Variants in TANK observed in about 807,000 individuals in gnomAD.
TANK encodes TRAF family member associated NFKB activator.
A neutral mutation model predicts 43.6 loss-of-function variants in TANK; 15 were observed. The observed-to-expected ratio is 0.34, with a 90% CI of 0.23 to 0.53. The LOEUF is 0.53. Ranked by LOEUF, TANK falls within the 20% of genes least tolerant of loss-of-function variation. The pLI, the probability that TANK is intolerant of heterozygous loss-of-function variation, is 0.94. For synonymous variants in TANK, 162 were observed against 178.2 expected (o/e 0.91, Z 0.73); for missense variants, 417 against 498.6 (o/e 0.84, Z 1.56).
intron 1 of TANK, among the ~76,000 whole-genome samples, chr2:161,174,154 C>T (rs1685077064): frequency 6.6e-6 from 1 of 152,018 alleles, no homozygotes; most frequent in Non-Finnish European, 1.5e-5. Flanking sequence ...TATTGTAACC[C>T]TACAACTATG....
intron 4 of TANK, among the ~76,000 whole-genome samples, chr2:161,208,925 C>CT (rs941919535): frequency 5.3e-5 from 8 of 152,112 alleles, no homozygotes; most frequent in African/African-American, 1.4e-4. Flanking sequence ...GGAAAAGTAT[C>CT]TAAGTTTCAT....
At chr2:161,153,044 G>T (rs886874507) in intron 1 of TANK, among the ~76,000 whole-genome samples, 1 of 151,920 alleles carries the variant, frequency 6.6e-6, no homozygotes, top group Non-Finnish European at 1.5e-5. Context: ...ATGCATAGAA[G>T]GTAAGCTTGA....
chr2:161,226,737 G>T (rs1210705094), intron 6 of TANK, among the ~76,000 whole-genome samples: 2 of 151,972 alleles, frequency 1.3e-5, no homozygotes, highest in East Asian at 1.9e-4. Flanking sequence ...CTTAAGAAAT[G>T]ATAAAGATAA....
chr2:161,151,709 G>T (rs1372864458), intron 1 of TANK, among the ~76,000 whole-genome samples: 1 of 152,078 alleles, frequency 6.6e-6, no homozygotes, highest in Non-Finnish European at 1.5e-5. Context: ...ATTTGATCAT[G>T]TTGTATTATC....
Position 161,231,160 on chromosome 2 carries a change from C to T in TANK, c.710C>T (p.Pro237Leu), listed in dbSNP as rs1687891653. ...CTTTCTAAATTCAATGTCAAGTTTC[C>T]ACCTATGGACAATGACTCAACTTTC... ...ESLSKFNVKF[P>L]PMDNDSTFLH... The change falls in exon 7 of 8, where the codon CCA (proline) becomes CTA (leucine). Residue 237 changes from proline (P) to leucine (L), a missense_variant. Physicochemically the swap from Pro to Leu is moderately conservative, Grantham distance 98. Coordinates refer to ENST00000392749, the MANE Select transcript of TANK (RefSeq NM_001199135.3). 6.2e-7 allele frequency: 1 copy of T among 1,613,974 alleles called. No individual in the cohort carries two copies. The highest frequency in any genetic ancestry group is 1.3e-5 in the African/African-American group (1 of 75,026).
Position 161,177,604 on chromosome 2 carries a change from T to G in TANK, c.-49-2010T>G, listed in dbSNP as rs546989534. On this transcript the variant is annotated intron_variant, in intron 1 of 7. Transcript: ENST00000392749. ...AAAAAGAAACAATTGAAAATCTTCA[T>G]GACCCTGGATTAGGCAACAGTTCCT... 2.0e-5 allele frequency among the ~76,000 whole-genome samples: 3 copies of G among 152,236 alleles called. No individual in the cohort carries two copies. The East Asian group carries it at 5.8e-4, about 29-fold the overall frequency.
intron 2 of TANK, among the ~76,000 whole-genome samples, chr2:161,185,868 AAAT>A (rs545152898): frequency 9.0e-4 from 137 of 152,304 alleles, no homozygotes; most frequent in Admixed American, 1.4e-3. Context: ...ATAATAAAAA[AAAT>A]AATAATAATT....
intron 2 of TANK, among the ~76,000 whole-genome samples, chr2:161,182,631 C>T (rs1191024185): frequency 2.0e-5 from 3 of 152,142 alleles, no homozygotes; most frequent in African/African-American, 7.2e-5. Flanking sequence ...CTTCATCTTT[C>T]TGTCAACCTT....
At position 161,155,202 on chromosome 2, in the gene TANK, T is replaced by C. The variant is rs1329697544; in HGVS notation, c.-50+18139T>C. 2.6e-5 allele frequency among the ~76,000 whole-genome samples: 4 copies of C among 152,176 alleles called. No homozygotes were observed. The East Asian group carries it at 7.7e-4, about 29-fold the overall frequency. ...GAGTAAAATAGCAGAACACATTTACTTCCTGCCACCTCTCTCCCACCCACT... is the reference window on the plus strand; with the variant it reads ...GAGTAAAATAGCAGAACACATTTACCTCCTGCCACCTCTCTCCCACCCACT... On this transcript the variant is annotated intron_variant, in intron 1 of 7. Transcript: ENST00000259075.
At chr2:161,137,302 T>C (rs1683614697) in intron 1 of TANK, 4 of 949,122 alleles carry the variant, frequency 4.2e-6, no homozygotes, top group Non-Finnish European at 5.0e-6. Flanking sequence ...GGTAAGAGGA[T>C]CACTTGAGCC....
intron 4 of TANK, among the ~76,000 whole-genome samples, chr2:161,214,458 T>C (rs902642092): frequency 6.6e-6 from 1 of 151,946 alleles, no homozygotes; most frequent in Non-Finnish European, 1.5e-5. Flanking sequence ...ATAAAAGTAA[T>C]CACTTTTACT....
chr2:161,207,668 G>A (rs1686708916), intron 4 of TANK: 6 of 985,364 alleles, frequency 6.1e-6, no homozygotes, highest in Non-Finnish European at 7.2e-6. Flanking sequence ...ATTAAAATAT[G>A]TTCCATTGGC....
chr2:161,179,649 C>G lies in TANK; in HGVS notation c.-14C>G, dbSNP rs201253699. ...TACTCCATCCTTTATAGTGATGCTACAGGACGAAGAGGAATGGATAAAAAC... is the reference window on the plus strand; with the variant it reads ...TACTCCATCCTTTATAGTGATGCTAGAGGACGAAGAGGAATGGATAAAAAC... On this transcript the variant is annotated 5_prime_UTR_variant, in exon 2 of 8. Coordinates refer to ENST00000392749, the MANE Select transcript of TANK (RefSeq NM_001199135.3). 1 of 1,612,524 alleles carries G rather than the reference C, an allele frequency of 6.2e-7. No homozygotes were observed. The highest frequency in any genetic ancestry group is 1.3e-5 in the African/African-American group (1 of 74,952).
chr2:161,142,641 G>C (rs1683784230), intron 1 of TANK, among the ~76,000 whole-genome samples: 1 of 152,052 alleles, frequency 6.6e-6, no homozygotes, highest in Non-Finnish European at 1.5e-5. Flanking sequence ...TAGATGTGTG[G>C]TGTTATTTCT....
chr2:161,197,274 G>C (rs565324286), intron 2 of TANK: 31 of 152,206 alleles, frequency 2.0e-4, no homozygotes, highest in African/African-American at 7.2e-4. Flanking sequence ...AGTCCATTTT[G>C]TCTCTTTGTA....
intron 1 of TANK, among the ~76,000 whole-genome samples, chr2:161,170,870 C>T (rs1248595615): frequency 6.6e-6 from 1 of 152,206 alleles, no homozygotes; most frequent in Admixed American, 6.5e-5. Flanking sequence ...CTGATTTTAT[C>T]TTCAGTTGAC....
chr2:161,162,956 T>C (rs1368889715), intron 1 of TANK: 4 of 152,214 alleles, frequency 2.6e-5, no homozygotes, highest in Non-Finnish European at 5.9e-5. Context: ...CCTAACAGGA[T>C]AGTGAATTAC....
At chr2:161,156,817 C>G (rs932947117), upstream of TANK, among the ~76,000 whole-genome samples, 1 of 152,164 alleles carries the variant, frequency 6.6e-6, no homozygotes, top group Non-Finnish European at 1.5e-5. Flanking sequence ...AGTTATTTTA[C>G]TATAAAGAGA....
chr2:161,204,406 C>G (rs1686555270), intron 3 of TANK, among the ~76,000 whole-genome samples: 1 of 152,150 alleles, frequency 6.6e-6, no homozygotes, highest in Non-Finnish European at 1.5e-5. Flanking sequence ...CTGACAGATG[C>G]AAAGAGCATA....
Sources: allele counts gnomAD v4.1 joint callset (sites outside exome capture counted in the v4.1 genomes callset), GRCh38; gene constraint gnomAD v4.1.1; transcripts MANE v1.5; gene names NCBI Gene and HGNC (gene_info 2026-07-23, HGNC 2026-07-21).